The following SALL2 variants were observed in gnomAD, a reference collection of about 807,000 sequenced individuals.
SALL2 encodes the protein sal-like protein 2.
A neutral mutation model predicts 58.5 loss-of-function variants in SALL2; 32 were observed. The ratio of observed to expected loss-of-function variants is 0.55; its 90% CI spans 0.41 to 0.74. The LOEUF (loss-of-function observed/expected upper bound fraction) is 0.74, where lower values mean the gene tolerates loss of function less well. SALL2 is among the 30% of genes least tolerant of loss of function. The pLI, the probability that SALL2 is intolerant of heterozygous loss-of-function variation, is 0.00. For missense variants in SALL2, 1,201 were observed against 1,268.9 expected (o/e 0.95, Z 0.81); for synonymous variants, 516 against 513.6 (o/e 1.00, Z -0.06).
chr14:21,522,115 G>A lies in SALL2; in HGVS notation c.*589C>T, dbSNP rs777730725. 7 of 1,597,902 alleles carry A rather than the reference G, an allele frequency of 4.4e-6. No individual in the cohort carries two copies. In the Admixed American group the frequency reaches 5.0e-5, roughly 11 times the overall value. ...GCTTCCCTGGATCCCATTGTTGGAG[G>A]CACCTTCCCAGCCACAGTTCCTAGG... is the stretch of plus-strand genomic sequence containing the variant. On this transcript the variant is annotated 3_prime_UTR_variant, in exon 2 of 2. Transcript: ENST00000537235.
rs968948749 is a variant in SALL2 at position 21,525,909 on chromosome 14, C to G, written c.67+152G>C. Reference sequence around the variant, plus strand: ...CTCCCCTCCTCAGCCACCCTCCCTTCCCCAGGCCACAAGCGAGTTCACGGA... The same window carrying G: ...CTCCCCTCCTCAGCCACCCTCCCTTGCCCAGGCCACAAGCGAGTTCACGGA... On this transcript the variant is annotated intron_variant, in intron 1 of 1. Coordinates refer to ENST00000537235, the MANE Select transcript of SALL2 (RefSeq NM_001364564.1). The surrounding 1 kb of genome is among the most constrained non-coding windows in gnomAD (Gnocchi z 4.4). Among the ~76,000 whole-genome samples, 1 of 151,628 alleles carries G rather than the reference C, an allele frequency of 6.6e-6. No individual in the cohort carries two copies. The highest frequency in any genetic ancestry group is 1.5e-5 in the Non-Finnish European group (1 of 67,898).
At position 21,522,105 on chromosome 14, in the gene SALL2, ATTG is replaced by A. The variant is rs768887835; in HGVS notation, c.*596_*598del. On this transcript the variant is annotated 3_prime_UTR_variant, in exon 2 of 2. Coordinates refer to ENST00000537235, the MANE Select transcript of SALL2 (RefSeq NM_001364564.1). The stretch of plus-strand genomic sequence containing the variant: ...CTTCTCCTTGGCTTCCCTGGATCCC[ATTG>A]TTGGAGGCACCTTCCCAGCCACAGT... The A allele has an allele frequency of 6.3e-7, 1 of 1,597,886 alleles. No individual in the cohort carries two copies. The highest frequency in any genetic ancestry group is 1.1e-5 in the South Asian group (1 of 90,884).
At chr14:21,532,403 T>C (rs1270469623) in intron 1 of SALL2, among the ~76,000 whole-genome samples, 2 of 152,202 alleles carry the variant, frequency 1.3e-5, no homozygotes, top group African/African-American at 2.4e-5. Flanking sequence ...TTACATAACA[T>C]AGTGAATGTA....
chr14:21,524,830 G>A lies in SALL2; in HGVS notation c.892C>T (p.Pro298Ser). ...GGVGRSHKPT[P>S]APSPALPGST... Reference sequence around the variant, plus strand: ...CCTGGCAAGGCTGGGGAAGGGGCAGGGGTGGGTTTGTGGCTTCGCCCAACC... The same window carrying A: ...CCTGGCAAGGCTGGGGAAGGGGCAGAGGTGGGTTTGTGGCTTCGCCCAACC... Residue 298 changes from proline to serine, a missense_variant, in exon 2 of 2, where the codon CCT becomes TCT. Transcript: ENST00000537235. The A allele has an allele frequency of 6.2e-7, 1 of 1,612,404 alleles. No individual in the cohort carries two copies.
rs939055196 is a variant in SALL2, at chr14:21,522,452, C to T, written c.*252G>A. On this transcript the variant is annotated 3_prime_UTR_variant, in exon 2 of 2. Transcript: ENST00000537235. ...ACCAGGGAAGCTGGAGAGGGTTCCC[C>T]TTGAGAAAGCTGCAGAGAATCTATG... 2.8e-5 allele frequency: 39 copies of T among 1,402,608 alleles called. No individual in the cohort carries two copies. The highest frequency in any genetic ancestry group is 3.6e-5 in the Non-Finnish European group (39 of 1,082,164). 86.9% of individuals were successfully genotyped at this position (1,402,608 alleles called of 1,614,324 possible).
At position 21,522,859 on chromosome 14, in the gene SALL2, T is replaced by C. The variant is rs1303224319; in HGVS notation, c.2863A>G (p.Lys955Glu). 4.3e-6 allele frequency: 7 copies of C among 1,611,022 alleles called. No individual in the cohort carries two copies. Among genetic ancestry groups the C allele is most frequent in the Non-Finnish European group, 5.9e-6 (7 of 1,178,510 alleles). Residue 955 changes from lysine to glutamate, a missense_variant, in exon 2 of 2, where the codon AAG becomes GAG. By Grantham distance (56) the Lys-to-Glu change is moderately conservative. Around this residue, in one of 3 missense-constraint regions of SALL2, gnomAD observed 675 missense variants for 683.8 expected, o/e 0.99. Coordinates refer to ENST00000537235, the MANE Select transcript of SALL2 (RefSeq NM_001364564.1). Reference sequence around the variant, plus strand: ...TGGTGGTGTGCCAGGAGCATATGCTTCTTGAGGGTAGCCCGCTCAAGAAAG... The same window carrying C: ...TGGTGGTGTGCCAGGAGCATATGCTCCTTGAGGGTAGCCCGCTCAAGAAAG... ...QGFLERATLK[K>E]HMLLAHHQVQ... is the part of the protein sequence containing the mutation.
chr14:21,531,035 C>T (rs1892448447), upstream of SALL2, among the ~76,000 whole-genome samples: 2 of 152,226 alleles, frequency 1.3e-5, no homozygotes, highest in South Asian at 2.1e-4. Context: ...CCTTACTCCT[C>T]TTTCCTAAAT....
rs944079222 is a variant in SALL2 at position 21,521,099 on chromosome 14, A to G, written c.*1605T>C. The G allele has an allele frequency of 6.6e-6, 1 of 152,230 alleles. No individual in the cohort carries two copies. Among genetic ancestry groups the G allele is most frequent in the Non-Finnish European group, 1.5e-5 (1 of 68,046 alleles). The allele number at this position is 152,230 out of a possible 1,614,324, so 9.4% of individuals were successfully genotyped here. ...TAAATATTTGGTTAAAACACCTTTA[A>G]TGATAGAGGGAAAGACACTAATATC... On this transcript the variant is annotated 3_prime_UTR_variant, in exon 2 of 2. Transcript: ENST00000537235.
At chr14:21,526,038 C>CCCCCCCCCCCCCCCCA in intron 1 of SALL2, 23 bp downstream of exon 1, 1 of 1,530,684 alleles carries the variant, frequency 6.5e-7, no homozygotes, top group Non-Finnish European at 8.8e-7. Context: ...CACCCCTGCC[C>CCCCCCCCCCCCCCCCA]AGCCCGACCG....
At position 21,521,918 on chromosome 14, in the gene SALL2, T is replaced by C. The variant is rs1251746933; in HGVS notation, c.*786A>G. On this transcript the variant is annotated 3_prime_UTR_variant, in exon 2 of 2. Transcript: ENST00000537235. Reference sequence around the variant, plus strand: ...CCTATGCCCTTCCTTCATTTCTCCCTACTTCCTAGGGTTGGGTCACCAATT... The same window carrying C: ...CCTATGCCCTTCCTTCATTTCTCCCCACTTCCTAGGGTTGGGTCACCAATT... The C allele has an allele frequency of 3.5e-6, 5 of 1,433,758 alleles. No homozygotes were observed. In the Admixed American group the frequency reaches 1.2e-4, roughly 34 times the overall value. 88.8% of individuals were successfully genotyped at this position (1,433,758 alleles called of 1,614,324 possible).
At chr14:21,526,400 G>A (rs1892315629), upstream of SALL2, 5 of 1,375,020 alleles carry the variant, frequency 3.6e-6, no homozygotes, top group Non-Finnish European at 4.7e-6. Flanking sequence ...GGGGAGGGAG[G>A]CGGGAGCTAG....
Position 21,524,933 on chromosome 14 carries a change from T to C in SALL2, c.789A>G (p.Ser263=). Residue 263 remains serine, a synonymous_variant, in exon 2 of 2, where the codon TCA becomes TCG. Transcript: ENST00000537235. ...AGGCCTGCTTGGGCGTTTCTGCCCC[T>C]GAAGAGGAAGAGGAGGAGGAGGAGG... The part of the protein sequence containing the change: ...ASSSSSSSSS[S]GAETPKQAFF... The C allele has an allele frequency of 6.2e-7, 1 of 1,614,084 alleles. No homozygotes were observed. The highest frequency in any genetic ancestry group is 8.5e-7 in the Non-Finnish European group (1 of 1,179,972).
chr14:21,534,209 C>T (rs2031063), intron 1 of SALL2, among the ~76,000 whole-genome samples: 106,790 of 152,060 alleles, frequency 0.7, 37,915 homozygotes, highest in African/African-American at 0.8. Context: ...ATTTTAGATA[C>T]GATCAAATAG....
intron 1 of SALL2, 60 bp downstream of exon 1, chr14:21,526,001 C>CGGGGGGGG: frequency 1.4e-6 from 2 of 1,389,788 alleles, no homozygotes; most frequent in Non-Finnish European, 2.0e-6. Context: ...AAAGTCTTCG[C>CGGGGGGGG]CGCCCCTGCG....
chr14:21,536,670 G>A (rs1379813329), intron 1 of SALL2, among the ~76,000 whole-genome samples: 1 of 152,198 alleles, frequency 6.6e-6, no homozygotes, highest in Non-Finnish European at 1.5e-5. Context: ...CAAGTAACAA[G>A]CGGGGCTTCT....
At chr14:21,530,574 C>A (rs183837124), upstream of SALL2, among the ~76,000 whole-genome samples, 141 of 152,240 alleles carry the variant, frequency 9.3e-4, no homozygotes, top group African/African-American at 3.3e-3. Flanking sequence ...AGGCGTGAGC[C>A]ATCGCGCCCG....
At chr14:21,526,018 C>CCAA in intron 1 of SALL2, 43 bp downstream of exon 1, 1 of 1,324,156 alleles carries the variant, frequency 7.6e-7, no homozygotes, top group Non-Finnish European at 1.0e-6. Flanking sequence ...TGCGCATCCC[C>CCAA]CTCCGCCCCC....
In SALL2 at chr14:21,521,951, C is replaced by G. The variant is rs1002338171; in HGVS notation, c.*753G>C. ...AGGGTTGGGTCACCAATTACTGGAGCATCTTCAGTACCGGCACCTTCTGGA... is the reference window on the plus strand; with the variant it reads ...AGGGTTGGGTCACCAATTACTGGAGGATCTTCAGTACCGGCACCTTCTGGA... On this transcript the variant is annotated 3_prime_UTR_variant, in exon 2 of 2. Transcript: ENST00000537235. 187 of 1,493,992 alleles carry G rather than the reference C, an allele frequency of 1.3e-4. No homozygotes were observed. Among genetic ancestry groups the G allele is most frequent in the Non-Finnish European group, 1.6e-4 (179 of 1,119,616 alleles). 92.5% of individuals were successfully genotyped at this position (1,493,992 alleles called of 1,614,324 possible). A position where few individuals can be genotyped will look rare whatever the true frequency, so the allele number is the denominator to read the frequency against.
rs1828950816 is a variant in SALL2 at position 21,522,319 on chromosome 14, G to C, written c.*385C>G. 3 of 1,480,734 alleles carry C rather than the reference G, an allele frequency of 2.0e-6. No individual in the cohort carries two copies. Among genetic ancestry groups the C allele is most frequent in the East Asian group, 2.5e-5 (1 of 40,326 alleles). The allele number at this position is 1,480,734 out of a possible 1,614,324, so 91.7% of individuals were successfully genotyped here. Reference sequence around the variant, plus strand: ...CAGAGGAGTGGCACTGGGCCCTCCAGAGACAGCTGCCAGCCCTTTTTGGCT... The same window carrying C: ...CAGAGGAGTGGCACTGGGCCCTCCACAGACAGCTGCCAGCCCTTTTTGGCT... On this transcript the variant is annotated 3_prime_UTR_variant, in exon 2 of 2. Transcript: ENST00000537235.
Sources: allele counts gnomAD v4.1 joint callset (sites outside exome capture counted in the v4.1 genomes callset), GRCh38; gene constraint gnomAD v4.1.1; regional missense constraint gnomAD v4.1.1; non-coding constraint Gnocchi (gnomAD v3.1); transcripts MANE v1.5; gene names NCBI Gene and HGNC (gene_info 2026-07-23, HGNC 2026-07-21).